DNAH17: variants seen among roughly 807,000 people sequenced by gnomAD.
The protein encoded by DNAH17 is axonemal beta dynein heavy chain 17.
In DNAH17, 376 loss-of-function variants were observed where a neutral mutation model predicts 485.6. That is an observed-to-expected ratio of 0.77 (90% confidence interval 0.71 to 0.84). DNAH17 has a LOEUF of 0.84. Among genes scored for constraint, DNAH17 ranks in the 40% least tolerant of loss-of-function variants. The pLI is 0.00. For missense variants in DNAH17, 6,370 were observed against 5,839.3 expected, an observed-to-expected ratio of 1.09 and a Z score of -2.96; for synonymous variants, 3,031 against 2,405.9, an observed-to-expected ratio of 1.26 and a Z score of -7.60.
Position 78,570,414 on chromosome 17 carries a change from G to A in DNAH17, c.919-42C>T, listed in dbSNP as rs368252003. The A allele has an allele frequency of 1.7e-4, 265 of 1,587,594 alleles. 1 individual carries two copies. In the African/African-American group the frequency reaches 2.7e-3, roughly 16 times the overall value. ...CCAGGCACACTGGAGGGGACTGGCC[G>A]CTGCACCTTATCCCGGTGTCCCAGC... On this transcript the variant is annotated intron_variant, in intron 6 of 80. Transcript: ENST00000389840.
At chr17:78,543,133 T>C (rs2091647233) in intron 17 of DNAH17, among the ~76,000 whole-genome samples, 1 of 135,938 alleles carries the variant, frequency 7.4e-6, no homozygotes, top group African/African-American at 2.8e-5. Flanking sequence ...TTGTTTTGTT[T>C]TGAGATAGTC....
Position 78,429,235 on chromosome 17 carries a change from G to A in DNAH17, c.12291C>T (p.Asp4097=), listed in dbSNP as rs545739046. The A allele has an allele frequency of 3.7e-6, 6 of 1,613,930 alleles. No individual in the cohort carries two copies. The South Asian group carries it at 4.4e-5, about 12-fold the overall frequency. The stretch of plus-strand genomic sequence containing the variant: ...AGGTCCTGCACAGCCGACGGTCCCA[G>A]TCATCTGTGATGTGGCCGCCATACA... ...EIMYGGHITD[D]WDRRLCRTYL... is the part of the protein sequence containing the mutation. Residue 4097 remains aspartate, a synonymous_variant, in exon 76 of 81, where the codon GAC becomes GAT. Coordinates refer to ENST00000389840, the MANE Select transcript of DNAH17 (RefSeq NM_173628.4).
At chr17:78,480,569 C>A in intron 49 of DNAH17, 115 bp downstream of exon 49, 1 of 805,416 alleles carries the variant, frequency 1.2e-6, no homozygotes, top group East Asian at 3.1e-5. Flanking sequence ...AGGAGTTCTC[C>A]AGAAAATGTC....
At chr17:78,530,618 A>G (rs2091207969) in intron 20 of DNAH17, 106 bp from the exon 21 acceptor site, 1 of 1,349,138 alleles carries the variant, frequency 7.4e-7, no homozygotes, top group Admixed American at 2.2e-5. Flanking sequence ...TGCGCTGCTC[A>G]CCTGCCGGCC....
intron 58 of DNAH17, among the ~76,000 whole-genome samples, chr17:78,460,802 C>G (rs2088081411): frequency 6.6e-6 from 1 of 152,124 alleles, no homozygotes; most frequent in South Asian, 2.1e-4. Context: ...GTTTCATAAT[C>G]CATCCAAAAT....
rs2092140416 is a variant in DNAH17 at position 78,560,938 on chromosome 17, G to A, written c.1836-3C>T. 1 of 1,547,372 alleles carries A rather than the reference G, an allele frequency of 6.5e-7. No individual in the cohort carries two copies. ...TGGCCTCTGCTCCAGACATGACCCT[G>A]GAATCAGAGCGGGAAGGCGAGGCCC... On this transcript the variant is annotated splice_polypyrimidine_tract_variant and splice_region_variant and intron_variant, in intron 12 of 80. Coordinates refer to ENST00000389840, the MANE Select transcript of DNAH17 (RefSeq NM_173628.4).
Position 78,569,498 on chromosome 17 carries a change from C to T in DNAH17, c.1074G>A (p.Val358=). 1 of 1,609,478 alleles carries T rather than the reference C, an allele frequency of 6.2e-7. No homozygotes were observed. Among genetic ancestry groups the T allele is most frequent in the East Asian group, 2.2e-5 (1 of 44,746 alleles). Reference sequence around the variant, plus strand: ...CGATTTCACCTTGCAGGCCCTTCAGCACCTCTTCCGGGCTCAGGAAGGTTC... The same window carrying T: ...CGATTTCACCTTGCAGGCCCTTCAGTACCTCTTCCGGGCTCAGGAAGGTTC... The part of the protein sequence containing the change: ...MTRTFLSPEE[V]LKGLQGEIEE... Residue 358 remains valine, a synonymous_variant, in exon 8 of 81, where the codon GTG becomes GTA. Transcript: ENST00000389840.
chr17:78,470,919 T>A (rs1170040900), intron 54 of DNAH17, among the ~76,000 whole-genome samples: 1 of 152,142 alleles, frequency 6.6e-6, no homozygotes, highest in East Asian at 1.9e-4. Context: ...TTTGCAAGAA[T>A]AAATGAAAAG....
Position 78,463,017 on chromosome 17 carries a change from T to A in DNAH17, c.9001A>T (p.Met3001Leu), listed in dbSNP as rs145233129. ...MSYVHTTVNE[M>L]SRVYLATERR... ...TCAGTAGCCAGGTATACCCTGGACA[T>A]CTCGTTGACGGTGGTGTGCACGTAG... Residue 3001 changes from methionine to leucine, a missense_variant, in exon 57 of 81, where the codon ATG becomes TTG. Coordinates refer to ENST00000389840, the MANE Select transcript of DNAH17 (RefSeq NM_173628.4). 86 of 1,613,868 alleles carry A rather than the reference T, an allele frequency of 5.3e-5. No individual in the cohort carries two copies. The highest frequency in any genetic ancestry group is 6.8e-5 in the Non-Finnish European group (80 of 1,179,892).
At chr17:78,470,066 ACT>A (rs1204741916) in intron 54 of DNAH17, among the ~76,000 whole-genome samples, 1 of 99,122 alleles carries the variant, frequency 1.0e-5, no homozygotes, top group Non-Finnish European at 1.9e-5. Context: ...AAAATGTCTT[ACT>A]CTTTTTTTTT....
At chr17:78,571,078 T>C (rs1334876732) in intron 5 of DNAH17, 45 bp from the exon 6 acceptor site, 1 of 1,525,930 alleles carries the variant, frequency 6.6e-7, no homozygotes, top group Non-Finnish European at 8.9e-7. Flanking sequence ...AGAGCAGAAA[T>C]TGCTCAGAAA....
In DNAH17 at chr17:78,548,202, C is replaced by CTTTTTTTTTTTTTTTTTT. The variant is rs34701814; in HGVS notation, c.2391+3315_2391+3332dup. ...GTTGTTATTTCGTAGATGTCATGGC[C>CTTTTTTTTTTTTTTTTTT]TTTTTTTTTTTTTTTTTTTGGAGAC... On this transcript the variant is annotated intron_variant, in intron 16 of 80. Transcript: ENST00000389840. Among the ~76,000 whole-genome samples, 16 of 80,102 alleles carry CTTTTTTTTTTTTTTTTTT rather than the reference C, an allele frequency of 2.0e-4. 3 individuals are homozygous for CTTTTTTTTTTTTTTTTTT. Among genetic ancestry groups the CTTTTTTTTTTTTTTTTTT allele is most frequent in the African/African-American group, 5.9e-4 (11 of 18,704 alleles). 52.6% of individuals were successfully genotyped at this position (80,102 alleles called of 152,430 possible). A position where few individuals can be genotyped will look rare whatever the true frequency, so the allele number is the denominator to read the frequency against.
chr17:78,460,657 G>C (rs928616338), intron 58 of DNAH17, among the ~76,000 whole-genome samples: 1 of 152,226 alleles, frequency 6.6e-6, no homozygotes, highest in African/African-American at 2.4e-5. Context: ...GTCAGAATGA[G>C]CAATGCCTCG....
Position 78,475,403 on chromosome 17 carries a change from T to C in DNAH17, c.8386A>G (p.Asn2796Asp), listed in dbSNP as rs776181780. ...CCGCCCACCCCCACCAGCAGGGCAT[T>C]CCCCCGGGGAGACTCCAGGATGCGA... ...INRILESPRG[N>D]ALLVGVGGSG... The change falls in exon 54 of 81, where the codon AAT (asparagine) becomes GAT (aspartate). Residue 2796 changes from asparagine (N) to aspartate (D), a missense_variant. Physicochemically the swap from Asn to Asp is conservative, Grantham distance 23. Coordinates refer to ENST00000389840, the MANE Select transcript of DNAH17 (RefSeq NM_173628.4). 6.2e-7 allele frequency: 1 copy of C among 1,613,644 alleles called. No individual in the cohort carries two copies. The highest frequency in any genetic ancestry group is 2.2e-5 in the East Asian group (1 of 44,876).
rs1234577097 is a variant in DNAH17 at position 78,426,487 on chromosome 17, G to A, written c.12885C>T (p.Ala4295=). 1 of 1,611,354 alleles carries A rather than the reference G, an allele frequency of 6.2e-7. No homozygotes were observed. The highest frequency in any genetic ancestry group is 1.1e-5 in the South Asian group (1 of 90,794). ...RAYPSMMGLA[A]WYADLLLRIR... The stretch of plus-strand genomic sequence containing the variant: ...TGCGGAGCAGCAGGTCTGCGTACCA[G>A]GCCGCCAGGCCCATCATGGAGGGGT... The change falls in exon 79 of 81, where the codon GCC becomes GCT. Residue 4295 remains alanine, a synonymous_variant. Transcript: ENST00000389840.
chr17:78,425,274 C>G (rs2086390586), intron 80 of DNAH17, 72 bp downstream of exon 80: 1 of 1,447,954 alleles, frequency 6.9e-7, no homozygotes, highest in African/African-American at 1.4e-5. Flanking sequence ...TTGCCAAGAG[C>G]TAGTTTTATC....
At chr17:78,511,086 G>GC (rs2090625169) in intron 26 of DNAH17, among the ~76,000 whole-genome samples, 1 of 152,168 alleles carries the variant, frequency 6.6e-6, no homozygotes, top group Admixed American at 6.5e-5. Flanking sequence ...TCAGAGTCCT[G>GC]GCCTCCAGCA....
At chr17:78,489,057 G>A (rs1225410027) in intron 44 of DNAH17, among the ~76,000 whole-genome samples, 1 of 152,132 alleles carries the variant, frequency 6.6e-6, no homozygotes, top group Non-Finnish European at 1.5e-5. Context: ...GCTGGAGAAT[G>A]CTGTATAAGC....
At position 78,449,480 on chromosome 17, in the gene DNAH17, G is replaced by A. The variant is rs375682640; in HGVS notation, c.11145C>T (p.Tyr3715=). The A allele has an allele frequency of 5.7e-6, 9 of 1,568,690 alleles. No homozygotes were observed. Among genetic ancestry groups the A allele is most frequent in the African/African-American group, 5.4e-5 (4 of 73,938 alleles). The part of the protein sequence containing the change: ...NLTDEITYSV[Y]MYTARGLFER... ...CGAAGAGTCCCCGGGCCGTGTACAT[G>A]TAGACGGAGTAGGTGATCTCGTCCG... The change falls in exon 69 of 81, where the codon TAC becomes TAT. Residue 3715 remains tyrosine (Y), a synonymous_variant. Coordinates refer to ENST00000389840, the MANE Select transcript of DNAH17 (RefSeq NM_173628.4).
Sources: gnomAD v4.1 joint callset for allele counts (sites outside exome capture counted in the v4.1 genomes callset) on GRCh38, gnomAD v4.1.1 for gene constraint, MANE v1.5 for transcripts, NCBI Gene and HGNC (gene_info 2026-07-23, HGNC 2026-07-21) for gene names.